The following NR5A1 variants were observed in gnomAD, a reference collection of about 807,000 sequenced individuals.
NR5A1 encodes the protein steroidogenic factor 1.
A neutral mutation model predicts 42.7 loss-of-function variants in NR5A1; 6 were observed. The ratio of observed to expected loss-of-function variants is 0.14; its 90% CI spans 0.08 to 0.28. The LOEUF is 0.28. NR5A1 is among the 10% of genes least tolerant of loss of function. The pLI, the probability that NR5A1 is intolerant of heterozygous loss-of-function variation, is 1.00. For synonymous variants in NR5A1, 274 were observed against 277.5 expected (o/e 0.99, Z 0.12); for missense variants, 442 against 626.4 (o/e 0.71, Z 3.14).
intron 6 of NR5A1, among the ~76,000 whole-genome samples, chr9:124,487,306 C>G (rs934212182): frequency 6.6e-6 from 1 of 152,248 alleles, no homozygotes; most frequent in African/African-American, 2.4e-5. Context: ...AATGGCCCCT[C>G]GAGTGGGGCT....
intron 6 of NR5A1, 65 bp downstream of exon 6, chr9:124,491,016 C>CCG: frequency 7.1e-6 from 4 of 564,594 alleles, no homozygotes; most frequent in Non-Finnish European, 1.3e-5. Flanking sequence ...TCTCCAGCCT[C>CCG]ACCCACCCTC....
intron 6 of NR5A1, among the ~76,000 whole-genome samples, chr9:124,485,261 G>A (rs1284592927): frequency 6.6e-6 from 1 of 152,138 alleles, no homozygotes; most frequent in African/African-American, 2.4e-5. Flanking sequence ...GGGGTGACCA[G>A]TGGCTCAGAA....
Position 124,503,045 on chromosome 9 carries a change from G to A in NR5A1, c.244+34C>T. The A allele has an allele frequency of 7.1e-6, 11 of 1,544,602 alleles. No homozygotes were observed. Among genetic ancestry groups the A allele is most frequent in the Non-Finnish European group, 9.6e-6 (11 of 1,149,606 alleles). ...CCACCCCCTACCCCCTCAGGCTGTG[G>A]GGGGTCAGGGGTCGAGGCCCGCGCG... On this transcript the variant is annotated intron_variant, in intron 3 of 6. Transcript: ENST00000373588. The surrounding 1 kb of genome is among the most constrained non-coding windows in gnomAD (Gnocchi z 9.6).
chr9:124,491,048 T>A, intron 6 of NR5A1, 33 bp downstream of exon 6: 1 of 532,386 alleles, frequency 1.9e-6, no homozygotes. Context: ...CCTCTGGCTG[T>A]CTCCACCTCT....
At position 124,481,507 on chromosome 9, in the gene NR5A1, C is replaced by T. The variant is rs1017634478; in HGVS notation, c.*1251G>A. The T allele has an allele frequency of 2.0e-5, 3 of 152,278 alleles. No homozygotes were observed. Among genetic ancestry groups the T allele is most frequent in the African/African-American group, 4.8e-5 (2 of 41,410 alleles). 9.4% of individuals were successfully genotyped at this position (152,278 alleles called of 1,614,324 possible). On this transcript the variant is annotated 3_prime_UTR_variant, in exon 7 of 7. Transcript: ENST00000373588. ...CACCCCGCCGGGGACAGGAGACAGC[C>T]GAGGCCTCTCCCTGGTGCTTCACCC...
rs1004312362 is a variant in NR5A1, at chr9:124,498,623, G to A, written c.870+1467C>T. Among the ~76,000 whole-genome samples, 7 of 152,220 alleles carry A rather than the reference G, an allele frequency of 4.6e-5. No individual in the cohort carries two copies. Among genetic ancestry groups the A allele is most frequent in the Non-Finnish European group, 1.0e-4 (7 of 68,032 alleles). Reference sequence around the variant, plus strand: ...GCTAGCAACCAACCCAAGATGCTTGGGGTCCTCATCCCCACCAGGGCCTCC... The same window carrying A: ...GCTAGCAACCAACCCAAGATGCTTGAGGTCCTCATCCCCACCAGGGCCTCC... On this transcript the variant is annotated intron_variant, in intron 4 of 6. Coordinates refer to ENST00000373588, the MANE Select transcript of NR5A1 (RefSeq NM_004959.5). This position sits in a 1 kb window ranked among gnomAD's most constrained non-coding sequence, Gnocchi z 4.6.
chr9:124,493,095 C>T lies in NR5A1; in HGVS notation c.925G>A (p.Asp309Asn). 4 of 1,611,726 alleles carry T rather than the reference C, an allele frequency of 2.5e-6. No homozygotes were observed. Among genetic ancestry groups the T allele is most frequent in the Non-Finnish European group, 2.5e-6 (3 of 1,179,548 alleles). Residue 309 changes from aspartate (D) to asparagine (N), a missense_variant, in exon 5 of 7, where the codon GAC becomes AAC. Around this residue, in one of 3 missense-constraint regions of NR5A1, gnomAD observed 163 missense variants for 265.8 expected, o/e 0.61. Transcript: ENST00000373588. ...QNCWSELLVF[D>N]HIYRQVQHGK... ...TGCTGGACCTGGCGGTAGATGTGGTCGAACACCAGCAGCTCGCTCCAGCAG... is the reference window on the plus strand; with the variant it reads ...TGCTGGACCTGGCGGTAGATGTGGTTGAACACCAGCAGCTCGCTCCAGCAG...
intron 6 of NR5A1, among the ~76,000 whole-genome samples, chr9:124,489,978 C>A (rs930672227): frequency 3.9e-5 from 6 of 152,166 alleles, no homozygotes; most frequent in African/African-American, 1.4e-4. Context: ...CTCCACAACA[C>A]TCCCCACTCC....
rs192410855 is a variant in NR5A1, at chr9:124,493,691, C to G, written c.871-542G>C. On this transcript the variant is annotated intron_variant, in intron 4 of 6. Coordinates refer to ENST00000373588, the MANE Select transcript of NR5A1 (RefSeq NM_004959.5). ...CGGGCCTACGCAGAGCTCTCAGGCT[C>G]AGGAGGAGGAGGGAGGTCCCACCTG... Among the ~76,000 whole-genome samples, 26 of 152,338 alleles carry G rather than the reference C, an allele frequency of 1.7e-4. No homozygotes were observed. The East Asian group carries it at 4.4e-3, about 26-fold the overall frequency.
At chr9:124,483,823 T>A (rs1221467353) in intron 6 of NR5A1, among the ~76,000 whole-genome samples, 1 of 152,184 alleles carries the variant, frequency 6.6e-6, no homozygotes, top group Admixed American at 6.5e-5. Context: ...AGAGGACAGC[T>A]GGCATGTGCT....
intron 6 of NR5A1, 45 bp downstream of exon 6, chr9:124,491,036 C>CCCCCCCCAGGGG: frequency 1.8e-5 from 25 of 1,401,566 alleles, no homozygotes; most frequent in Non-Finnish European, 2.4e-5. Context: ...CCCACCCACC[C>CCCCCCCCAGGGG]GCCTCTGGCT....
At position 124,498,972 on chromosome 9, in the gene NR5A1, C is replaced by A. The variant is rs1832427427; in HGVS notation, c.870+1118G>T. Among the ~76,000 whole-genome samples the A allele has an allele frequency of 6.6e-6, 1 of 152,224 alleles. No homozygotes were observed. Among genetic ancestry groups the A allele is most frequent in the Non-Finnish European group, 1.5e-5 (1 of 68,034 alleles). ...CGGCCTCATGCCCCTGGAGGAAGCC[C>A]AGGCCCGAGTGGCGTCAGCATTGAC... On this transcript the variant is annotated intron_variant, in intron 4 of 6. Coordinates refer to ENST00000373588, the MANE Select transcript of NR5A1 (RefSeq NM_004959.5). This position sits in a 1 kb window ranked among gnomAD's most constrained non-coding sequence, Gnocchi z 4.6.
At chr9:124,499,050 G>C (rs1020955879) in intron 4 of NR5A1, among the ~76,000 whole-genome samples, 4 of 152,248 alleles carry the variant, frequency 2.6e-5, no homozygotes, top group African/African-American at 9.6e-5. Flanking sequence ...GGGCCCTGCT[G>C]TTTACACCCA....
Position 124,491,236 on chromosome 9 carries a change from CA to C in NR5A1, c.991-9del. 6.3e-7 allele frequency: 1 copy of C among 1,596,492 alleles called. No homozygotes were observed. The highest frequency in any genetic ancestry group is 1.1e-5 in the South Asian group (1 of 89,902). ...CACTGTGGTCAGCTCCACCTGGGGG[CA>C]GAGGGCACGGGGCGGGGGACAGTCA... On this transcript the variant is annotated splice_polypyrimidine_tract_variant and intron_variant, in intron 5 of 6. Transcript: ENST00000373588.
chr9:124,482,452 C>T lies in NR5A1; in HGVS notation c.*306G>A, dbSNP rs997342835. The T allele has an allele frequency of 1.4e-5, 6 of 437,404 alleles. No individual in the cohort carries two copies. Among genetic ancestry groups the T allele is most frequent in the Non-Finnish European group, 2.6e-5 (6 of 233,818 alleles). The allele number at this position is 437,404 out of a possible 1,614,324, so 27.1% of individuals were successfully genotyped here. A position where few individuals can be genotyped will look rare whatever the true frequency, so the allele number is the denominator to read the frequency against. ...CCTCCCCGGACCTGCAGGCTTCAGA[C>T]TCCAGGAGAGAGAGCTGGGAGCAGG... On this transcript the variant is annotated 3_prime_UTR_variant, in exon 7 of 7. Coordinates refer to ENST00000373588, the MANE Select transcript of NR5A1 (RefSeq NM_004959.5).
Position 124,500,761 on chromosome 9 carries a change from T to G in NR5A1, c.245-46A>C. 1 of 1,611,614 alleles carries G rather than the reference T, an allele frequency of 6.2e-7. No individual in the cohort carries two copies. On this transcript the variant is annotated intron_variant, in intron 3 of 6. Coordinates refer to ENST00000373588, the MANE Select transcript of NR5A1 (RefSeq NM_004959.5). The surrounding 1 kb of genome is among the most constrained non-coding windows in gnomAD (Gnocchi z 6.9). ...TCAGACTCACCCTCTCTAAGCCCCC[T>G]TCCATGCTGCCCCACCACAGATCCT...
rs1179690677 is a variant in NR5A1, at chr9:124,482,767, C to T, written c.1377G>A (p.Lys459=). ...NNLLIEMLQA[K]QT ...CGCCCCCGGCCCAGGCTCAAGTCTG[C>T]TTGGCTTGCAGCATTTCGATGAGCA... Residue 459 remains lysine (K), a synonymous_variant, in exon 7 of 7, where the codon AAG becomes AAA. Transcript: ENST00000373588. 1.5e-6 allele frequency: 2 copies of T among 1,310,216 alleles called. No homozygotes were observed. The highest frequency in any genetic ancestry group is 1.2e-5 in the South Asian group (1 of 82,438). 81.2% of individuals were successfully genotyped at this position (1,310,216 alleles called of 1,614,324 possible). A position where few individuals can be genotyped will look rare whatever the true frequency, so the allele number is the denominator to read the frequency against.
At chr9:124,491,031 C>CCCCCCCCCCCCAGGGGGGGG in intron 6 of NR5A1, 50 bp downstream of exon 6, 1 of 1,217,252 alleles carries the variant, frequency 8.2e-7, no homozygotes, top group Non-Finnish European at 1.1e-6. Flanking sequence ...ACCCTCCCAC[C>CCCCCCCCCCCCAGGGGGGGG]CACCCGCCTC....
At chr9:124,487,758 G>C (rs1832242075) in intron 6 of NR5A1, among the ~76,000 whole-genome samples, 1 of 152,222 alleles carries the variant, frequency 6.6e-6, no homozygotes, top group African/African-American at 2.4e-5. Context: ...CCCTCTCCGG[G>C]TCCCAGTTTC....
Sources: allele counts gnomAD v4.1 joint callset (sites outside exome capture counted in the v4.1 genomes callset), GRCh38; gene constraint gnomAD v4.1.1; regional missense constraint gnomAD v4.1.1; non-coding constraint Gnocchi (gnomAD v3.1); transcripts MANE v1.5; gene names NCBI Gene and HGNC (gene_info 2026-07-23, HGNC 2026-07-21).